Variants in NAV2 observed in about 807,000 individuals in gnomAD.
NAV2 encodes the protein helicase, APC down-regulated 1.
NAV2 carries 54 observed loss-of-function variants against 223.2 expected under a neutral mutation model. The observed-to-expected ratio is 0.24, with a 90% CI of 0.19 to 0.30. The LOEUF is 0.30. Among genes scored for constraint, NAV2 ranks in the 10% least tolerant of loss-of-function variants. NAV2 has a pLI of 1.00. For missense variants in NAV2, 2,806 were observed against 3,147.5 expected (o/e 0.89, Z 2.60); for synonymous variants, 1,279 against 1,239.3 (o/e 1.03, Z -0.67).
intron 2 of NAV2, among the ~76,000 whole-genome samples, chr11:19,841,061 G>C (rs1257084012): frequency 2.0e-5 from 3 of 152,128 alleles, no homozygotes; most frequent in African/African-American, 7.2e-5. Flanking sequence ...TTGGGAGCAA[G>C]GCTTTCTACA....
At chr11:19,494,341 C>T (rs1235794969) in intron 1 of NAV2, among the ~76,000 whole-genome samples, 1 of 152,170 alleles carries the variant, frequency 6.6e-6, no homozygotes, top group African/African-American at 2.4e-5. Flanking sequence ...CACTTTGGCC[C>T]ATAAATTTTT....
chr11:20,118,076 C>G, intron 37 of NAV2, 57 bp from the exon 38 acceptor site: 1 of 1,600,628 alleles, frequency 6.2e-7, no homozygotes. Flanking sequence ...TTTAGGAGTC[C>G]AGGGTGGGCG....
chr11:19,864,076 G>T (rs1314859552), intron 3 of NAV2, among the ~76,000 whole-genome samples: 2 of 152,086 alleles, frequency 1.3e-5, no homozygotes, highest in African/African-American at 4.8e-5. Flanking sequence ...CCTTGCCTGG[G>T]GTCTAAAGCT....
chr11:19,850,766 C>T (rs1001654596), intron 3 of NAV2, among the ~76,000 whole-genome samples: 23 of 152,122 alleles, frequency 1.5e-4, no homozygotes, highest in African/African-American at 5.6e-4. Flanking sequence ...CCCTCACAAC[C>T]ACCAGTTTAT....
At chr11:19,838,535 T>C (rs937955725) in intron 2 of NAV2, among the ~76,000 whole-genome samples, 12 of 152,192 alleles carry the variant, frequency 7.9e-5, no homozygotes, top group Admixed American at 1.3e-4. Flanking sequence ...GGCTTTAGCC[T>C]AAGAACAAGG....
At chr11:20,069,976 A>G (rs528643591) in intron 22 of NAV2, among the ~76,000 whole-genome samples, 31 of 152,252 alleles carry the variant, frequency 2.0e-4, no homozygotes, top group African/African-American at 7.2e-4. Flanking sequence ...GTAGTCTCCT[A>G]AGTTCTCTTT....
At chr11:20,003,473 A>G (rs1192774559) in intron 11 of NAV2, among the ~76,000 whole-genome samples, 4 of 152,152 alleles carry the variant, frequency 2.6e-5, no homozygotes, top group African/African-American at 9.7e-5. Context: ...CTGCAATACA[A>G]GCCTTCTCCA....
intron 8 of NAV2, among the ~76,000 whole-genome samples, chr11:19,942,083 A>G (rs958994267): frequency 6.6e-5 from 10 of 152,222 alleles, no homozygotes; most frequent in Non-Finnish European, 1.5e-4. Context: ...CCAGATCGCT[A>G]CAGGTAGACA....
intron 11 of NAV2, among the ~76,000 whole-genome samples, chr11:19,996,490 TAAG>T (rs1205468304): frequency 6.6e-6 from 1 of 152,250 alleles, no homozygotes; most frequent in Non-Finnish European, 1.5e-5. Context: ...ATCCTTTACT[TAAG>T]AAGATCTTAG....
chr11:19,901,659 A>G (rs182743429), intron 6 of NAV2, among the ~76,000 whole-genome samples: 1 of 152,316 alleles, frequency 6.6e-6, no homozygotes, highest in East Asian at 1.9e-4. Context: ...ATAGCAGGAG[A>G]TTAATAAATG....
chr11:20,077,646 A>C lies in NAV2; in HGVS notation c.5067+11A>C. 1 of 1,608,836 alleles carries C rather than the reference A, an allele frequency of 6.2e-7. No homozygotes were observed. Among genetic ancestry groups the C allele is most frequent in the Non-Finnish European group, 8.5e-7 (1 of 1,175,218 alleles). On this transcript the variant is annotated intron_variant, in intron 23 of 37. Coordinates refer to ENST00000349880, the MANE Select transcript of NAV2 (RefSeq NM_145117.5). The stretch of plus-strand genomic sequence containing the variant: ...ACAGCTGAGCAGAAGGTAAGGCAGA[A>C]AGGATACTTTAACCCTCCCTACTTG...
intron 5 of NAV2, among the ~76,000 whole-genome samples, chr11:19,883,455 C>G (rs1364738309): frequency 6.6e-6 from 1 of 152,198 alleles, no homozygotes; most frequent in Non-Finnish European, 1.5e-5. Flanking sequence ...GGAGCATAGT[C>G]TCCAGGACTT....
chr11:19,350,733 G>A (rs2133695388), exon 1 of NAV2: 1 of 563,006 alleles, frequency 1.8e-6, no homozygotes, highest in Non-Finnish European at 3.2e-6. Flanking sequence ...CTCTCATGAT[G>A]CCGGCAGCAG....
intron 1 of NAV2, among the ~76,000 whole-genome samples, chr11:19,668,306 G>A (rs191839308): frequency 9.5e-4 from 145 of 152,276 alleles, no homozygotes; most frequent in African/African-American, 3.3e-3. Context: ...GAGAGGCCAA[G>A]GCGGGTGGAT....
At chr11:19,427,527 C>A (rs546810053) in intron 1 of NAV2, among the ~76,000 whole-genome samples, 1 of 152,172 alleles carries the variant, frequency 6.6e-6, no homozygotes, top group Non-Finnish European at 1.5e-5. Flanking sequence ...AGGTAGAAAA[C>A]TCCCAAGGGA....
chr11:19,757,183 A>G (rs2054304280), intron 1 of NAV2, among the ~76,000 whole-genome samples: 1 of 152,168 alleles, frequency 6.6e-6, no homozygotes, highest in Admixed American at 6.5e-5. Flanking sequence ...AGAGCACCAG[A>G]ACCTTGGGCC....
chr11:19,873,819 A>T (rs1318811946), intron 4 of NAV2, among the ~76,000 whole-genome samples: 1 of 152,090 alleles, frequency 6.6e-6, no homozygotes, highest in Non-Finnish European at 1.5e-5. Flanking sequence ...CTGTGGGTAG[A>T]GTGATTGGCA....
chr11:19,508,385 C>T (rs2043184551), intron 1 of NAV2, among the ~76,000 whole-genome samples: 1 of 152,176 alleles, frequency 6.6e-6, no homozygotes, highest in South Asian at 2.1e-4. Flanking sequence ...AACAAATAAG[C>T]ATACAAGCAC....
chr11:20,035,576 C>T (rs1315497437), intron 11 of NAV2, among the ~76,000 whole-genome samples: 1 of 152,160 alleles, frequency 6.6e-6, no homozygotes, highest in Admixed American at 6.5e-5. Flanking sequence ...GCTGCGGAGT[C>T]CTTCCCTGCA....
Sources: gnomAD v4.1 joint callset for allele counts (sites outside exome capture counted in the v4.1 genomes callset) on GRCh38, gnomAD v4.1.1 for gene constraint, MANE v1.5 for transcripts, NCBI Gene and HGNC (gene_info 2026-07-23, HGNC 2026-07-21) for gene names.